Variants in PRKDC observed in about 807,000 individuals in gnomAD.
PRKDC encodes the protein DNA-dependent protein kinase catalytic subunit.
In PRKDC, 82 loss-of-function variants were observed where a neutral mutation model predicts 486.9. That is an observed-to-expected ratio of 0.17 (90% CI 0.14 to 0.20). The LOEUF is 0.20. Among genes scored for constraint, PRKDC ranks in the 10% least tolerant of loss-of-function variants. The probability of loss-of-function intolerance (pLI) is 1.00; values close to 1 mark genes in which losing one functional copy is unlikely to be tolerated. For synonymous variants in PRKDC, 1,895 were observed against 1,837.0 expected (o/e 1.03, Z -0.81); for missense variants, 4,504 against 5,038.2 (o/e 0.89, Z 3.21).
chr8:47,836,622 G>C, intron 57 of PRKDC, 95 bp from the exon 58 acceptor site: 2 of 1,116,960 alleles, frequency 1.8e-6, no homozygotes, highest in Non-Finnish European at 2.6e-6. Flanking sequence ...AAATCTAATG[G>C]TACCATCAGC....
At chr8:47,825,081 G>T (rs1046781518) in intron 63 of PRKDC, among the ~76,000 whole-genome samples, 1 of 152,178 alleles carries the variant, frequency 6.6e-6, no homozygotes, top group African/African-American at 2.4e-5. Context: ...GGGTAGGTAG[G>T]TGATGGAGCA....
intron 68 of PRKDC, among the ~76,000 whole-genome samples, chr8:47,811,347 C>G (rs2087321190): frequency 6.6e-6 from 1 of 152,148 alleles, no homozygotes; most frequent in Non-Finnish European, 1.5e-5. Flanking sequence ...ATAAAGATAT[C>G]TTCAGAGAAG....
At chr8:47,930,838 A>G (rs2090238323) in intron 16 of PRKDC, 51 bp from the exon 17 acceptor site, 1 of 1,484,766 alleles carries the variant, frequency 6.7e-7, no homozygotes, top group African/African-American at 1.4e-5. Flanking sequence ...ATCACGAATC[A>G]CTCAACAAAT....
At chr8:47,816,960 A>G (rs546033990) in intron 68 of PRKDC, among the ~76,000 whole-genome samples, 22 of 152,248 alleles carry the variant, frequency 1.4e-4, no homozygotes, top group African/African-American at 4.6e-4. Context: ...TACCTGCCCT[A>G]TGGATTCCAC....
chr8:47,885,501 T>A (rs1457671162), intron 36 of PRKDC, among the ~76,000 whole-genome samples: 2 of 152,228 alleles, frequency 1.3e-5, no homozygotes, highest in Non-Finnish European at 2.9e-5. Flanking sequence ...TTTTTCTGAG[T>A]TTGTTAAAAG....
chr8:47,882,095 C>A lies in PRKDC; in HGVS notation c.4779G>T (p.Val1593=), dbSNP rs1300094473. The change falls in exon 37 of 86, where the codon GTG becomes GTT. Residue 1593 remains valine (V), a splice_region_variant and synonymous_variant. Transcript: ENST00000314191. ...CTAACATGCCGTTCAAAACGGCACT[C>A]ACCTGAGACAATTTCGTTGTGAGTG... The part of the protein sequence containing the change: ...MQSSVDNTKM[V]SAVLNGMLDQ... 6.3e-7 allele frequency: 1 copy of A among 1,599,098 alleles called. No homozygotes were observed.
At chr8:47,954,207 T>C in intron 5 of PRKDC, 131 bp downstream of exon 5, 2 of 475,738 alleles carry the variant, frequency 4.2e-6, no homozygotes, top group Non-Finnish European at 7.2e-6. Context: ...GGTTCCATTT[T>C]GGTTTATTTT....
intron 63 of PRKDC, among the ~76,000 whole-genome samples, chr8:47,825,501 T>C (rs1163733169): frequency 1.6e-5 from 1 of 64,138 alleles, no homozygotes; most frequent in Non-Finnish European, 2.5e-5. Context: ...AGCAAGACTG[T>C]CTCAAAAAAA....
chr8:47,836,477 C>T lies in PRKDC; in HGVS notation c.7812G>A (p.Pro2604=), dbSNP rs763035246. 8.1e-6 allele frequency: 13 copies of T among 1,610,774 alleles called. No homozygotes were observed. Among genetic ancestry groups the T allele is most frequent in the Admixed American group, 1.7e-5 (1 of 59,484 alleles). Residue 2604 remains proline, a synonymous_variant, in exon 58 of 86, where the codon CCG becomes CCA. Transcript: ENST00000314191. ...DWRFRSTVLT[P]MFVETQASQG... ...GGGAGGCCTGGGTCTCCACAAACAT[C>T]GGAGTGAGAACAGTACTTCGGAAAC...
chr8:47,829,363 A>G lies in PRKDC; in HGVS notation c.8398-1016T>C, dbSNP rs189629419. 2.9e-3 allele frequency among the ~76,000 whole-genome samples: 441 copies of G among 152,298 alleles called. 3 individuals are homozygous for G. The highest frequency in any genetic ancestry group is 0.01 in the African/African-American group (432 of 41,568). On this transcript the variant is annotated intron_variant, in intron 61 of 85. Coordinates refer to ENST00000314191, the MANE Select transcript of PRKDC (RefSeq NM_006904.7). Reference sequence around the variant, plus strand: ...TTCTTAAATCAAGTGTGATTTTTGCATATTGTTGAAAAGAACATTAAAAGC... The same window carrying G: ...TTCTTAAATCAAGTGTGATTTTTGCGTATTGTTGAAAAGAACATTAAAAGC...
At chr8:47,959,621 GT>G (rs1411261856) in intron 1 of PRKDC, among the ~76,000 whole-genome samples, 1 of 151,896 alleles carries the variant, frequency 6.6e-6, no homozygotes, top group East Asian at 1.9e-4. Context: ...GGAGGTTGCA[GT>G]GAGCCGAGAT....
chr8:47,795,206 T>TC (rs2086958121), intron 73 of PRKDC, among the ~76,000 whole-genome samples: 1 of 148,344 alleles, frequency 6.7e-6, no homozygotes, highest in African/African-American at 2.5e-5. Context: ...TTTTTTTTTT[T>TC]CTTGAGACAG....
chr8:47,948,097 T>TGC (rs1023570830), intron 7 of PRKDC, among the ~76,000 whole-genome samples: 1 of 138,094 alleles, frequency 7.2e-6, no homozygotes, highest in Non-Finnish European at 1.5e-5. Context: ...AAAATATATT[T>TGC]GCACACACAC....
At chr8:47,850,617 T>C (rs2088381211) in intron 52 of PRKDC, among the ~76,000 whole-genome samples, 1 of 152,180 alleles carries the variant, frequency 6.6e-6, no homozygotes, top group East Asian at 1.9e-4. Flanking sequence ...CACATAGTAT[T>C]ACCCTACCAA....
chr8:47,782,696 G>T lies in PRKDC; in HGVS notation c.11176-98C>A. On this transcript the variant is annotated intron_variant, in intron 78 of 85. Coordinates refer to ENST00000314191, the MANE Select transcript of PRKDC (RefSeq NM_006904.7). The surrounding 1 kb of genome is among the most constrained non-coding windows in gnomAD (Gnocchi z 4.9). ...GCTGTGAGCATTCCTCCGTGGGGCCGCCCTCTGAAGACAGTGCCAAAGAGC... is the reference window on the plus strand; with the variant it reads ...GCTGTGAGCATTCCTCCGTGGGGCCTCCCTCTGAAGACAGTGCCAAAGAGC... 2 of 1,326,452 alleles carry T rather than the reference G, an allele frequency of 1.5e-6. No homozygotes were observed. Among genetic ancestry groups the T allele is most frequent in the Non-Finnish European group, 2.1e-6 (2 of 970,144 alleles). The allele number at this position is 1,326,452 out of a possible 1,614,324, so 82.2% of individuals were successfully genotyped here. A position where few individuals can be genotyped will look rare whatever the true frequency, so the allele number is the denominator to read the frequency against.
At chr8:47,868,554 A>G (rs1299306970) in intron 40 of PRKDC, among the ~76,000 whole-genome samples, 4 of 152,178 alleles carry the variant, frequency 2.6e-5, no homozygotes, top group African/African-American at 9.7e-5. Flanking sequence ...ATAGAGCAAG[A>G]CCTTATCTCA....
chr8:47,927,488 G>T, intron 20 of PRKDC, 135 bp from the exon 21 acceptor site: 2 of 1,093,346 alleles, frequency 1.8e-6, no homozygotes, highest in Non-Finnish European at 2.6e-6. Context: ...GGAGAGTTCA[G>T]TCCAGGTAAT....
intron 63 of PRKDC, 128 bp from the exon 64 acceptor site, chr8:47,824,124 A>G (rs2087671879): frequency 1.0e-6 from 1 of 997,828 alleles, no homozygotes. Flanking sequence ...GTGTTACTTT[A>G]ATTTTGCTAA....
chr8:47,800,261 T>C (rs1165254555), intron 71 of PRKDC, among the ~76,000 whole-genome samples: 1 of 151,984 alleles, frequency 6.6e-6, no homozygotes, highest in Non-Finnish European at 1.5e-5. Flanking sequence ...ATATACACCA[T>C]GGAATACTAT....
Sources: gnomAD v4.1 joint callset for allele counts (sites outside exome capture counted in the v4.1 genomes callset) on GRCh38, gnomAD v4.1.1 for gene constraint, Gnocchi (gnomAD v3.1) non-coding constraint, MANE v1.5 for transcripts, NCBI Gene and HGNC (gene_info 2026-07-23, HGNC 2026-07-21) for gene names.